ZNF143: variants seen among roughly 807,000 people sequenced by gnomAD.
ZNF143 encodes the protein SPH-binding factor.
Under a neutral mutation model 74.1 loss-of-function variants are expected in ZNF143, and 49 were observed. The ratio of observed to expected loss-of-function variants is 0.66; its 90% confidence interval spans 0.53 to 0.84. The LOEUF (loss-of-function observed/expected upper bound fraction) is 0.84, where lower values mean the gene tolerates loss of function less well. Among genes scored for constraint, ZNF143 ranks in the 40% least tolerant of loss-of-function variants. The pLI is 0.00. For missense variants in ZNF143, 637 were observed against 793.4 expected (o/e 0.80, Z 2.37); for synonymous variants, 304 against 282.8 (o/e 1.07, Z -0.75).
At chr11:9,502,625 ATG>A (rs1848208756) in intron 11 of ZNF143, among the ~76,000 whole-genome samples, 1 of 150,212 alleles carries the variant, frequency 6.7e-6, no homozygotes, top group Non-Finnish European at 1.5e-5. Flanking sequence ...AAAAAAAAGT[ATG>A]TGTTTCAGTG....
At chr11:9,473,515 C>T (rs1856708547) in intron 3 of ZNF143, among the ~76,000 whole-genome samples, 1 of 152,158 alleles carries the variant, frequency 6.6e-6, no homozygotes, top group Non-Finnish European at 1.5e-5. Context: ...ACCTACTGAG[C>T]ACATGCATAC....
intron 10 of ZNF143, among the ~76,000 whole-genome samples, chr11:9,499,964 A>T (rs1004371384): frequency 8.5e-5 from 13 of 152,174 alleles, no homozygotes; most frequent in African/African-American, 3.1e-4. Context: ...TGTTTTTGAG[A>T]CAGTGTCTCA....
chr11:9,491,895 G>T (rs1335191848), intron 7 of ZNF143, among the ~76,000 whole-genome samples: 1 of 152,108 alleles, frequency 6.6e-6, no homozygotes, highest in Admixed American at 6.5e-5. Context: ...CTCCAAAAGT[G>T]CTGGGATTAT....
intron 7 of ZNF143, among the ~76,000 whole-genome samples, chr11:9,484,398 G>A (rs1847372807): frequency 6.6e-6 from 1 of 150,720 alleles, no homozygotes; most frequent in African/African-American, 2.5e-5. Flanking sequence ...TTAAAAAAAT[G>A]TTTTTTATAT....
intron 1 of ZNF143, chr11:9,461,995 A>G (rs1334692356): frequency 5.9e-5 from 9 of 152,212 alleles, no homozygotes; most frequent in Admixed American, 4.6e-4. Flanking sequence ...TTTGTCCTGA[A>G]TCTTACCAGA....
At position 9,494,652 on chromosome 11, in the gene ZNF143, T is replaced by G. The variant is rs866001032; in HGVS notation, c.652T>G (p.Leu218Val). ...TACTATTTGTTTTATTTAGATTGTTTTACAAGGACATGCTACAAGAGTAAC... is the reference window on the plus strand; with the variant it reads ...TACTATTTGTTTTATTTAGATTGTTGTACAAGGACATGCTACAAGAGTAAC... The part of the protein sequence containing the change: ...NEQEKKMQIV[L>V]QGHATRVTAK... The change falls in exon 8 of 16, where the codon TTA (leucine) becomes GTA (valine). Residue 218 changes from leucine to valine, a missense_variant. Physicochemically the swap from Leu to Val is conservative, Grantham distance 32. Around this residue, in one of 2 missense-constraint regions of ZNF143, gnomAD observed 293 missense variants for 307.8 expected, o/e 0.95. Coordinates refer to ENST00000396602, the MANE Select transcript of ZNF143 (RefSeq NM_003442.6). The G allele has an allele frequency of 1.2e-6, 2 of 1,613,680 alleles. No individual in the cohort carries two copies. Among genetic ancestry groups the G allele is most frequent in the Non-Finnish European group, 1.7e-6 (2 of 1,179,734 alleles).
chr11:9,493,415 T>C (rs1332539525), intron 7 of ZNF143, among the ~76,000 whole-genome samples: 1 of 152,162 alleles, frequency 6.6e-6, no homozygotes, highest in Non-Finnish European at 1.5e-5. Context: ...TCTACCTTTA[T>C]TCAGAAAATT....
chr11:9,466,144 G>A (rs1360024845), intron 1 of ZNF143, among the ~76,000 whole-genome samples: 3 of 151,652 alleles, frequency 2.0e-5, no homozygotes, highest in Non-Finnish European at 2.9e-5. Flanking sequence ...CACCACATCT[G>A]GCTAATTTTT....
intron 5 of ZNF143, among the ~76,000 whole-genome samples, chr11:9,477,501 T>G (rs1857005003): frequency 6.6e-6 from 1 of 152,064 alleles, no homozygotes; most frequent in Non-Finnish European, 1.5e-5. Flanking sequence ...GTGATCCGCC[T>G]GGCTTGGCCT....
At chr11:9,474,985 T>C (rs1241967133) in intron 5 of ZNF143, among the ~76,000 whole-genome samples, 1 of 152,134 alleles carries the variant, frequency 6.6e-6, no homozygotes. Context: ...ACTCCTGGGC[T>C]CAGGGATCCT....
chr11:9,508,511 T>G, intron 11 of ZNF143, 108 bp from the exon 12 acceptor site: 1 of 949,646 alleles, frequency 1.1e-6, no homozygotes, highest in Non-Finnish European at 1.6e-6. Flanking sequence ...TGAGGAGGGG[T>G]TTGGCAATTC....
intron 11 of ZNF143, among the ~76,000 whole-genome samples, chr11:9,502,841 TG>T (rs1267291359): frequency 1.3e-5 from 2 of 151,684 alleles, no homozygotes; most frequent in East Asian, 1.9e-4. Context: ...ATGCAGTATG[TG>T]GGGGGTTTTT....
At chr11:9,489,970 C>G (rs989391060) in intron 7 of ZNF143, among the ~76,000 whole-genome samples, 2 of 152,050 alleles carry the variant, frequency 1.3e-5, no homozygotes, top group African/African-American at 4.8e-5. Context: ...TGCTTGAGGC[C>G]AGGAATTCAA....
chr11:9,508,480 G>A, intron 11 of ZNF143, 139 bp from the exon 12 acceptor site: 2 of 717,794 alleles, frequency 2.8e-6, no homozygotes, highest in Non-Finnish European at 2.3e-6. Flanking sequence ...ATCTTTTCTT[G>A]TGTGCTGCCT....
intron 11 of ZNF143, among the ~76,000 whole-genome samples, chr11:9,507,106 C>T (rs1258288314): frequency 6.6e-6 from 1 of 152,122 alleles, no homozygotes; most frequent in Admixed American, 6.6e-5. Flanking sequence ...GAAGAAATCG[C>T]CAATTACTTT....
chr11:9,525,110 T>C (rs1849078188), intron 14 of ZNF143, 130 bp from the exon 15 acceptor site: 1 of 1,084,146 alleles, frequency 9.2e-7, no homozygotes, highest in Non-Finnish European at 1.3e-6. Flanking sequence ...AATATAGGCT[T>C]TGACAAGTCT....
chr11:9,475,820 C>A (rs1856843197), intron 5 of ZNF143, among the ~76,000 whole-genome samples: 1 of 151,814 alleles, frequency 6.6e-6, no homozygotes, highest in African/African-American at 2.4e-5. Flanking sequence ...TCGCTTGAAC[C>A]CAGGAGGTAG....
At chr11:9,516,502 T>A in intron 14 of ZNF143, 140 bp downstream of exon 14, 1 of 753,384 alleles carries the variant, frequency 1.3e-6, no homozygotes, top group East Asian at 2.9e-5. Context: ...TACTTAACCC[T>A]CAGAGCCTGT....
chr11:9,507,993 C>G (rs1415186401), intron 11 of ZNF143, among the ~76,000 whole-genome samples: 2 of 152,140 alleles, frequency 1.3e-5, no homozygotes, highest in Admixed American at 6.6e-5. Context: ...GTAAAAAGTT[C>G]TAAAAATATG....
Sources: allele counts gnomAD v4.1 joint callset (sites outside exome capture counted in the v4.1 genomes callset), GRCh38; gene constraint gnomAD v4.1.1; regional missense constraint gnomAD v4.1.1; transcripts MANE v1.5; gene names NCBI Gene and HGNC (gene_info 2026-07-23, HGNC 2026-07-21).